Variants in FAM13A observed in about 807,000 individuals in gnomAD.
The protein encoded by FAM13A is protein FAM13A.
A neutral mutation model predicts 129.6 loss-of-function variants in FAM13A; 76 were observed. That is an observed-to-expected ratio of 0.59 (90% confidence interval 0.49 to 0.71). FAM13A has a LOEUF of 0.71. Among genes scored for constraint, FAM13A ranks in the 30% least tolerant of loss-of-function variants. The pLI is 0.00. For synonymous variants in FAM13A, 443 were observed against 449.9 expected (o/e 0.98, Z 0.20); for missense variants, 1,108 against 1,249.3 (o/e 0.89, Z 1.70).
chr4:88,975,448 T>TG (rs1760763533), intron 4 of FAM13A, among the ~76,000 whole-genome samples: 1 of 152,218 alleles, frequency 6.6e-6, no homozygotes, highest in South Asian at 2.1e-4. Context: ...TGTGTGTATA[T>TG]ACCTAAATTT....
chr4:88,931,220 G>T (rs561027786), intron 5 of FAM13A, among the ~76,000 whole-genome samples: 1 of 152,126 alleles, frequency 6.6e-6, no homozygotes, highest in Non-Finnish European at 1.5e-5. Flanking sequence ...TGTGTCTGTA[G>T]ATGATGGGTA....
intron 7 of FAM13A, among the ~76,000 whole-genome samples, chr4:88,834,739 A>G (rs571504925): frequency 6.6e-6 from 1 of 152,360 alleles, no homozygotes; most frequent in East Asian, 1.9e-4. Flanking sequence ...AAATAATATC[A>G]TCCTAGACTT....
At chr4:88,958,075 A>AAAAAAAGCTTTTTT (rs1758032937) in intron 4 of FAM13A, among the ~76,000 whole-genome samples, 1 of 152,182 alleles carries the variant, frequency 6.6e-6, no homozygotes, top group Non-Finnish European at 1.5e-5. Context: ...AGAGGGAAAA[A>AAAAAAAGCTTTTTT]AAAAAAGCTT....
intron 3 of FAM13A, among the ~76,000 whole-genome samples, chr4:88,995,742 TA>T (rs1385225543): frequency 6.6e-6 from 1 of 152,188 alleles, no homozygotes; most frequent in East Asian, 1.9e-4. Context: ...TGTGAGCCAA[TA>T]CTCCTTAATA....
At chr4:88,861,003 T>G (rs1739394977) in intron 6 of FAM13A, among the ~76,000 whole-genome samples, 1 of 152,206 alleles carries the variant, frequency 6.6e-6, no homozygotes, top group Non-Finnish European at 1.5e-5. Flanking sequence ...GAAACTGGCT[T>G]TAAACTCTCT....
At chr4:88,730,487 G>A (rs1406087563) in intron 23 of FAM13A, among the ~76,000 whole-genome samples, 2 of 152,158 alleles carry the variant, frequency 1.3e-5, no homozygotes, top group Admixed American at 6.5e-5. Context: ...TGGCCTCCCG[G>A]GTTCAAGTGA....
chr4:88,930,571 TG>T, intron 5 of FAM13A, among the ~76,000 whole-genome samples: 1 of 152,110 alleles, frequency 6.6e-6, no homozygotes, highest in Non-Finnish European at 1.5e-5. Context: ...GCCCTGGTGG[TG>T]GCAGCAATGG....
chr4:88,797,236 T>G (rs187029748), intron 8 of FAM13A, among the ~76,000 whole-genome samples: 130 of 151,962 alleles, frequency 8.6e-4, no homozygotes, highest in Non-Finnish European at 1.3e-3. Flanking sequence ...AATCTCTGAC[T>G]TTCACATCTA....
intron 4 of FAM13A, among the ~76,000 whole-genome samples, chr4:88,945,990 G>GTGTGTGTA: frequency 9.7e-5 from 6 of 61,956 alleles, no homozygotes; most frequent in African/African-American, 1.7e-4. Context: ...GTGTGTGTGT[G>GTGTGTGTA]TATATATATA....
At chr4:88,932,342 A>G (rs1036583825) in intron 5 of FAM13A, among the ~76,000 whole-genome samples, 6 of 152,234 alleles carry the variant, frequency 3.9e-5, no homozygotes, top group African/African-American at 1.4e-4. Flanking sequence ...TAAATGAGAT[A>G]CATATATAGA....
intron 4 of FAM13A, among the ~76,000 whole-genome samples, chr4:88,983,544 C>A (rs1761897101): frequency 6.6e-6 from 1 of 152,040 alleles, no homozygotes; most frequent in Non-Finnish European, 1.5e-5. Context: ...ACAATTACAT[C>A]TAGAATAGCA....
rs1479160385 is a variant in FAM13A, at chr4:89,056,981, TG to T, written c.-18del. On this transcript the variant is annotated 5_prime_UTR_variant, in exon 1 of 24. Coordinates refer to ENST00000264344, the MANE Select transcript of FAM13A (RefSeq NM_014883.4). ...TGCCCCCATTCTCTCAGAAAGCGTC[TG>T]GAAGAACTGAGGAAGACCAGACGAA... The T allele has an allele frequency of 6.2e-7, 1 of 1,613,572 alleles. No individual in the cohort carries two copies. Among genetic ancestry groups the T allele is most frequent in the Non-Finnish European group, 8.5e-7 (1 of 1,179,756 alleles).
chr4:89,029,784 C>G (rs1185376363), intron 1 of FAM13A, 135 bp from the exon 2 acceptor site: 5 of 742,630 alleles, frequency 6.7e-6, no homozygotes, highest in Non-Finnish European at 1.1e-5. Flanking sequence ...CAACTCAAAT[C>G]AAAATCTCTA....
At chr4:88,775,768 T>C (rs1721592065) in intron 11 of FAM13A, among the ~76,000 whole-genome samples, 1 of 151,978 alleles carries the variant, frequency 6.6e-6, no homozygotes, top group East Asian at 1.9e-4. Flanking sequence ...GATGGTAAAA[T>C]GAAGAAAAGA....
intron 6 of FAM13A, among the ~76,000 whole-genome samples, chr4:88,897,210 A>T (rs1036119504): frequency 6.6e-6 from 1 of 152,160 alleles, no homozygotes; most frequent in Non-Finnish European, 1.5e-5. Context: ...TTATCTAAAA[A>T]TCTGTTTGAT....
chr4:88,941,224 G>A (rs1282075131), intron 4 of FAM13A, among the ~76,000 whole-genome samples: 2 of 152,124 alleles, frequency 1.3e-5, no homozygotes, highest in Non-Finnish European at 2.9e-5. Context: ...CTAAAATCAG[G>A]AAAGAGAGAA....
At chr4:88,732,474 TG>T in intron 21 of FAM13A, 1 of 272,528 alleles carries the variant, frequency 3.7e-6, no homozygotes, top group Non-Finnish European at 6.8e-6. Context: ...GTTGTCAGGT[TG>T]GGGGTAAGAA....
At chr4:88,747,116 C>A in intron 18 of FAM13A, 101 bp from the exon 19 acceptor site, 1 of 775,916 alleles carries the variant, frequency 1.3e-6, no homozygotes, top group East Asian at 2.6e-5. Flanking sequence ...AAAGAACCCT[C>A]ATATAACAGC....
At chr4:88,794,509 G>A (rs1159610387) in intron 8 of FAM13A, among the ~76,000 whole-genome samples, 1 of 151,786 alleles carries the variant, frequency 6.6e-6, no homozygotes, top group East Asian at 1.9e-4. Context: ...TAAATCTCTT[G>A]ATTTGAAATA....
Sources: allele counts gnomAD v4.1 joint callset (sites outside exome capture counted in the v4.1 genomes callset), GRCh38; gene constraint gnomAD v4.1.1; transcripts MANE v1.5; gene names NCBI Gene and HGNC (gene_info 2026-07-23, HGNC 2026-07-21).